Variants in CMIP observed in about 807,000 individuals in gnomAD.
CMIP encodes the protein C-Maf-inducing protein.
A neutral mutation model predicts 97.3 loss-of-function variants in CMIP; 13 were observed. The ratio of observed to expected loss-of-function variants is 0.13; its 90% CI spans 0.09 to 0.21. The LOEUF (loss-of-function observed/expected upper bound fraction) is 0.21, where lower values mean the gene tolerates loss of function less well. Among genes scored for constraint, CMIP ranks in the 10% least tolerant of loss-of-function variants. CMIP has a pLI of 1.00. For missense variants in CMIP, 847 were observed against 1,024.9 expected (o/e 0.83, Z 2.37); for synonymous variants, 538 against 436.3 (o/e 1.23, Z -2.91).
At chr16:81,685,663 G>T (rs1193579401) in intron 10 of CMIP, among the ~76,000 whole-genome samples, 1 of 151,090 alleles carries the variant, frequency 6.6e-6, no homozygotes, top group South Asian at 2.1e-4. Flanking sequence ...TCCCACCTCA[G>T]ACTCCCAAGT....
chr16:81,585,445 A>G (rs1416057226), intron 1 of CMIP, among the ~76,000 whole-genome samples: 1 of 152,136 alleles, frequency 6.6e-6, no homozygotes, highest in African/African-American at 2.4e-5. Context: ...ATCACCTCAA[A>G]AGGAAACCCG....
intron 5 of CMIP, among the ~76,000 whole-genome samples, chr16:81,659,919 C>G (rs1043390955): frequency 6.6e-6 from 1 of 152,234 alleles, no homozygotes; most frequent in African/African-American, 2.4e-5. Flanking sequence ...ATGATGCCTT[C>G]TGGAGCCTCC....
At position 81,691,765 on chromosome 16, in the gene CMIP, C is replaced by A. The variant is rs765196870; in HGVS notation, c.1389-10C>A. Reference sequence around the variant, plus strand: ...CAACCAAAGCTGACTGTCACCCTCTCTCATTCTAGGTCAGACTATGATGAC... The same window carrying A: ...CAACCAAAGCTGACTGTCACCCTCTATCATTCTAGGTCAGACTATGATGAC... On this transcript the variant is annotated splice_polypyrimidine_tract_variant and intron_variant, in intron 10 of 20. Coordinates refer to ENST00000537098, the MANE Select transcript of CMIP (RefSeq NM_198390.3). 3.7e-6 allele frequency: 6 copies of A among 1,612,870 alleles called. No homozygotes were observed. The highest frequency in any genetic ancestry group is 2.5e-6 in the Non-Finnish European group (3 of 1,179,090).
At chr16:81,708,051 G>T (rs573583725) in intron 20 of CMIP, among the ~76,000 whole-genome samples, 1 of 152,382 alleles carries the variant, frequency 6.6e-6, no homozygotes, top group African/African-American at 2.4e-5. Context: ...CCATGTCAGG[G>T]ACAGGGACAC....
chr16:81,641,926 A>G (rs2092311207), intron 3 of CMIP, among the ~76,000 whole-genome samples: 1 of 152,206 alleles, frequency 6.6e-6, no homozygotes, highest in Admixed American at 6.5e-5. Context: ...CTGGATCCCA[A>G]TTCTGCCTAG....
intron 6 of CMIP, among the ~76,000 whole-genome samples, chr16:81,661,601 T>C (rs2092547521): frequency 6.6e-6 from 1 of 152,180 alleles, no homozygotes; most frequent in Non-Finnish European, 1.5e-5. Flanking sequence ...CCCGCTCCCA[T>C]TACCTGCCTC....
chr16:81,451,445 G>A (rs1181211464), intron 1 of CMIP, among the ~76,000 whole-genome samples: 6 of 152,190 alleles, frequency 3.9e-5, no homozygotes, highest in Non-Finnish European at 8.8e-5. Context: ...GTCTTTATCA[G>A]CAGCGTGGGA....
intron 1 of CMIP, among the ~76,000 whole-genome samples, chr16:81,465,282 C>A (rs1374288020): frequency 6.6e-6 from 1 of 152,180 alleles, no homozygotes; most frequent in Non-Finnish European, 1.5e-5. Context: ...GATGCTGTAC[C>A]TGGACAGTCT....
At chr16:81,552,442 T>C (rs992068082) in intron 1 of CMIP, among the ~76,000 whole-genome samples, 1 of 152,184 alleles carries the variant, frequency 6.6e-6, no homozygotes, top group South Asian at 2.1e-4. Context: ...AGGTGGGCTA[T>C]GTTAGGATGT....
chr16:81,537,700 C>T (rs762776604), intron 1 of CMIP, among the ~76,000 whole-genome samples: 1 of 148,036 alleles, frequency 6.8e-6, no homozygotes, highest in Non-Finnish European at 1.5e-5. Flanking sequence ...ACGCCCATCT[C>T]TGTTGAAAGA....
At chr16:81,675,154 A>G (rs1464344323) in intron 9 of CMIP, among the ~76,000 whole-genome samples, 1 of 152,090 alleles carries the variant, frequency 6.6e-6, no homozygotes, top group Non-Finnish European at 1.5e-5. Flanking sequence ...CCACATGGAA[A>G]GGCCTGGCAG....
At chr16:81,502,659 C>T (rs2089634803) in intron 1 of CMIP, among the ~76,000 whole-genome samples, 1 of 152,136 alleles carries the variant, frequency 6.6e-6, no homozygotes, top group African/African-American at 2.4e-5. Flanking sequence ...CAAGACCTGC[C>T]CTTGTGAGAA....
chr16:81,688,135 C>A (rs1905623153), intron 10 of CMIP, among the ~76,000 whole-genome samples: 1 of 152,084 alleles, frequency 6.6e-6, no homozygotes, highest in African/African-American at 2.4e-5. Flanking sequence ...CTGGCTTCAC[C>A]ACACACCATG....
At chr16:81,529,965 C>T (rs1323141423) in intron 1 of CMIP, among the ~76,000 whole-genome samples, 2 of 152,174 alleles carry the variant, frequency 1.3e-5, no homozygotes, top group African/African-American at 4.8e-5. Flanking sequence ...TATACATGGG[C>T]AGGTGCAGGG....
chr16:81,677,989 C>T (rs527305508), intron 9 of CMIP, among the ~76,000 whole-genome samples: 2 of 152,186 alleles, frequency 1.3e-5, no homozygotes, highest in South Asian at 2.1e-4. Flanking sequence ...TCCACTCAGT[C>T]GGTCAGCAAA....
chr16:81,672,067 A>G lies in CMIP; in HGVS notation c.1031A>G (p.Asn344Ser). 1 of 1,583,210 alleles carries G rather than the reference A, an allele frequency of 6.3e-7. No individual in the cohort carries two copies. The highest frequency in any genetic ancestry group is 8.6e-7 in the Non-Finnish European group (1 of 1,159,986). Residue 344 changes from asparagine to serine, a missense_variant, in exon 9 of 21, where the codon AAC becomes AGC. By Grantham distance (46) the Asn-to-Ser change is conservative. This residue lies in a region of CMIP where 285 missense variants were observed against 392.2 expected (regional missense o/e 0.73). Coordinates refer to ENST00000537098, the MANE Select transcript of CMIP (RefSeq NM_198390.3). Reference protein sequence around the residue: ...AIYSCYEEFINSRDNSPSLKE... With the variant: ...AIYSCYEEFISSRDNSPSLKE... ...TACTCCTGCTATGAAGAGTTCATCA[A>G]CAGGTCAGTTGCTGAACCACCGCCA...
At chr16:81,635,796 A>T (rs1182323893) in intron 3 of CMIP, among the ~76,000 whole-genome samples, 1 of 151,796 alleles carries the variant, frequency 6.6e-6, no homozygotes, top group Non-Finnish European at 1.5e-5. Flanking sequence ...GGAGGGGGGG[A>T]CAGCTCTGCC....
rs1443458719 is a variant in CMIP, at chr16:81,614,863, T to C, written c.427-6013T>C. Among the ~76,000 whole-genome samples, 1 of 151,906 alleles carries C rather than the reference T, an allele frequency of 6.6e-6. No homozygotes were observed. Among genetic ancestry groups the C allele is most frequent in the Non-Finnish European group, 1.5e-5 (1 of 67,954 alleles). ...GTGTATGCACATGTATCTCTGTGTG[T>C]GCATGTGTGTGTGGTATGTGCATGT... On this transcript the variant is annotated intron_variant, in intron 2 of 20. Transcript: ENST00000537098. This position sits in a 1 kb window ranked among gnomAD's most constrained non-coding sequence, Gnocchi z 5.3.
rs563284616 is a variant in CMIP, at chr16:81,616,438, G to A, written c.427-4438G>A. On this transcript the variant is annotated intron_variant, in intron 2 of 20. Coordinates refer to ENST00000537098, the MANE Select transcript of CMIP (RefSeq NM_198390.3). The surrounding 1 kb of genome is among the most constrained non-coding windows in gnomAD (Gnocchi z 4.7). ...GCTTCCTCATCTGTAAGATGGGTGC[G>A]TTGAGGAGGAGAGGAGGTGTGTGTG... Among the ~76,000 whole-genome samples the A allele has an allele frequency of 2.0e-5, 3 of 152,356 alleles. No individual in the cohort carries two copies. The East Asian group carries it at 5.8e-4, about 29-fold the overall frequency.
Sources: allele counts gnomAD v4.1 joint callset (sites outside exome capture counted in the v4.1 genomes callset), GRCh38; gene constraint gnomAD v4.1.1; regional missense constraint gnomAD v4.1.1; non-coding constraint Gnocchi (gnomAD v3.1); transcripts MANE v1.5; gene names NCBI Gene and HGNC (gene_info 2026-07-23, HGNC 2026-07-21).